POLE2: variants seen among roughly 807,000 people sequenced by gnomAD.
POLE2 encodes the protein DNA polymerase epsilon subunit 2.
POLE2 carries 56 observed loss-of-function variants against 79.4 expected under a neutral mutation model. The observed-to-expected ratio is 0.71, with a 90% confidence interval of 0.57 to 0.88. POLE2 has a LOEUF of 0.88. POLE2 is among the 40% of genes least tolerant of loss of function. The pLI, the probability that POLE2 is intolerant of heterozygous loss-of-function variation, is 0.00. For missense variants in POLE2, 598 were observed against 638.9 expected (o/e 0.94, Z 0.69); for synonymous variants, 212 against 214.0 (o/e 0.99, Z 0.08).
At chr14:49,684,526 T>C (rs1380616843) in intron 1 of POLE2, 2 of 151,732 alleles carry the variant, frequency 1.3e-5, no homozygotes, top group African/African-American at 4.8e-5. Context: ...GCAACACTCA[T>C]TAAAATCACA....
chr14:49,644,957 G>T (rs1004865139), intron 18 of POLE2, among the ~76,000 whole-genome samples: 9 of 150,566 alleles, frequency 6.0e-5, no homozygotes, highest in African/African-American at 2.2e-4. Context: ...CAGGAGAATC[G>T]CTTGAACCCA....
intron 1 of POLE2, among the ~76,000 whole-genome samples, chr14:49,684,189 G>A (rs899800515): frequency 6.6e-6 from 1 of 152,154 alleles, no homozygotes. Flanking sequence ...TTGGCTGTGC[G>A]CGGTGGCTCA....
chr14:49,670,341 A>G, intron 5 of POLE2, among the ~76,000 whole-genome samples: 1 of 144,624 alleles, frequency 6.9e-6, no homozygotes, highest in African/African-American at 2.5e-5. Flanking sequence ...AAAAAAAAAA[A>G]AAAGACATTT....
At chr14:49,649,793 G>A (rs555628629) in intron 17 of POLE2, among the ~76,000 whole-genome samples, 1 of 152,180 alleles carries the variant, frequency 6.6e-6, no homozygotes, top group African/African-American at 2.4e-5. Flanking sequence ...GCAACCTCAA[G>A]ATTCTGAAGC....
In POLE2 at chr14:49,674,193, G is replaced by A. The variant is rs751780432; in HGVS notation, c.347C>T (p.Ala116Val). Reference sequence around the variant, plus strand: ...TCTTGGTGTTCCAAATAAATTTGGTGCAGGGTGGTTGGTCATTAACAGACT... The same window carrying A: ...TCTTGGTGTTCCAAATAAATTTGGTACAGGGTGGTTGGTCATTAACAGACT... ...FLPLLMTNHP[A>V]PNLFGTPRDK... The change falls in exon 5 of 19, where the codon GCA becomes GTA. Residue 116 changes from alanine (A) to valine (V), a missense_variant. Physicochemically the swap from Ala to Val is moderately conservative, Grantham distance 64 (BLOSUM62 0). Transcript: ENST00000216367. 7 of 1,612,360 alleles carry A rather than the reference G, an allele frequency of 4.3e-6. No individual in the cohort carries two copies. The Admixed American group carries it at 1.0e-4, about 23-fold the overall frequency.
In POLE2 at chr14:49,654,042, T is replaced by C. The variant is rs2051120161; in HGVS notation, c.1159A>G (p.Asn387Asp). Residue 387 changes from asparagine (N) to aspartate (D), a missense_variant, in exon 15 of 19, where the codon AAT (asparagine) becomes GAT (aspartate). Physicochemically the swap from Asn to Asp is conservative, Grantham distance 23 (BLOSUM62 1). Coordinates refer to ENST00000216367, the MANE Select transcript of POLE2 (RefSeq NM_002692.4). ...AATGGTACCCTTTGTCTGAATTCATTAGTGATGCTTTCAGCAAGTGGTGGC... is the reference window on the plus strand; with the variant it reads ...AATGGTACCCTTTGTCTGAATTCATCAGTGATGCTTTCAGCAAGTGGTGGC... ...PRPPLAESIT[N>D]EFRQRVPFSV... is the part of the protein sequence containing the mutation. 1 of 1,598,932 alleles carries C rather than the reference T, an allele frequency of 6.3e-7. No homozygotes were observed. Among genetic ancestry groups the C allele is most frequent in the African/African-American group, 1.3e-5 (1 of 74,764 alleles).
intron 3 of POLE2, among the ~76,000 whole-genome samples, chr14:49,676,016 T>G (rs1032112655): frequency 2.6e-5 from 4 of 152,130 alleles, no homozygotes; most frequent in African/African-American, 9.7e-5. Flanking sequence ...CCTCCCAAAG[T>G]GCTGGGATTA....
At chr14:49,678,013 T>G (rs532533775) in intron 3 of POLE2, 2 of 160,802 alleles carry the variant, frequency 1.2e-5, no homozygotes, top group African/African-American at 4.8e-5. Context: ...ATTTTTTTTT[T>G]TTTGAGAGAC....
At chr14:49,668,829 C>G (rs1309830551) in intron 6 of POLE2, among the ~76,000 whole-genome samples, 2 of 152,040 alleles carry the variant, frequency 1.3e-5, no homozygotes, top group Admixed American at 6.6e-5. Context: ...GAGAGGGGTC[C>G]TTACACTGTC....
chr14:49,675,663 T>G (rs1333346932), intron 3 of POLE2, among the ~76,000 whole-genome samples: 2 of 150,334 alleles, frequency 1.3e-5, no homozygotes, highest in South Asian at 4.3e-4. Flanking sequence ...TGACCTCAAG[T>G]GATCCGCCTG....
Position 49,654,856 on chromosome 14 carries a change from T to C in POLE2, c.1019-18A>G. The C allele has an allele frequency of 6.7e-7, 1 of 1,489,882 alleles. No individual in the cohort carries two copies. Among genetic ancestry groups the C allele is most frequent in the African/African-American group, 1.4e-5 (1 of 69,020 alleles). The allele number at this position is 1,489,882 out of a possible 1,614,324, so 92.3% of individuals were successfully genotyped here. ...TAGGGAATCTAAAATTTTAAAAAGGTATTGAATTAAATTTGCATATAATGC... is the reference window on the plus strand; with the variant it reads ...TAGGGAATCTAAAATTTTAAAAAGGCATTGAATTAAATTTGCATATAATGC... On this transcript the variant is annotated intron_variant, in intron 12 of 18. Coordinates refer to ENST00000216367, the MANE Select transcript of POLE2 (RefSeq NM_002692.4).
At chr14:49,677,729 C>T in intron 3 of POLE2, 1 of 1,385,326 alleles carries the variant, frequency 7.2e-7, no homozygotes, top group South Asian at 1.4e-5. Flanking sequence ...TGTGCAGAAC[C>T]AACTCAGCAT....
intron 6 of POLE2, among the ~76,000 whole-genome samples, chr14:49,669,222 A>G (rs970147219): frequency 5.3e-5 from 8 of 152,188 alleles, no homozygotes; most frequent in African/African-American, 1.7e-4. Context: ...GAAATGTTGA[A>G]AAGTTATCAG....
intron 5 of POLE2, among the ~76,000 whole-genome samples, chr14:49,670,317 CAAAAA>C (rs61383006): frequency 2.0e-4 from 12 of 59,106 alleles, no homozygotes; most frequent in Non-Finnish European, 2.8e-4. Context: ...ACTGTGTCTC[CAAAAA>C]AAAAAAAAAA....
At chr14:49,675,209 C>T (rs917837436) in intron 3 of POLE2, among the ~76,000 whole-genome samples, 2 of 151,722 alleles carry the variant, frequency 1.3e-5, no homozygotes, top group African/African-American at 2.4e-5. Flanking sequence ...CTCAGCCTCC[C>T]GAGTAGGTGG....
At chr14:49,646,324 T>G (rs1355816680) in intron 18 of POLE2, among the ~76,000 whole-genome samples, 27 of 124,598 alleles carry the variant, frequency 2.2e-4, no homozygotes, top group Non-Finnish European at 3.7e-4. Flanking sequence ...TTTTTTTTTT[T>G]TTTTTTTTTT....
At chr14:49,672,737 G>A (rs1885989894) in intron 5 of POLE2, among the ~76,000 whole-genome samples, 1 of 152,118 alleles carries the variant, frequency 6.6e-6, no homozygotes, top group South Asian at 2.1e-4. Context: ...GACCTCAGGT[G>A]ATCCACCCAC....
chr14:49,671,173 GA>G (rs1447213952), intron 5 of POLE2, among the ~76,000 whole-genome samples: 1 of 152,104 alleles, frequency 6.6e-6, no homozygotes, highest in Non-Finnish European at 1.5e-5. Flanking sequence ...ACATACTTAA[GA>G]AAAAAGAAAT....
intron 5 of POLE2, among the ~76,000 whole-genome samples, chr14:49,671,664 A>C (rs1308652257): frequency 6.7e-6 from 1 of 150,346 alleles, no homozygotes; most frequent in African/African-American, 2.4e-5. Context: ...TTCAAGCAGA[A>C]AGAGATTCAG....
Sources: allele counts gnomAD v4.1 joint callset (sites outside exome capture counted in the v4.1 genomes callset), GRCh38; gene constraint gnomAD v4.1.1; transcripts MANE v1.5; gene names NCBI Gene and HGNC (gene_info 2026-07-23, HGNC 2026-07-21).